Variants in SPINK9 observed in about 807,000 individuals in gnomAD.
SPINK9 encodes serine peptidase inhibitor Kazal type 9, also known as serine protease inhibitor Kazal-type 9.
SPINK9 carries 3 observed loss-of-function variants against 10.8 expected under a neutral mutation model. That is an observed-to-expected ratio of 0.28 (90% CI 0.13 to 0.72). The LOEUF is 0.72. Ranked by LOEUF, SPINK9 falls within the 30% of genes least tolerant of loss-of-function variation. The probability of loss-of-function intolerance (pLI) is 0.74; values close to 1 mark genes in which losing one functional copy is unlikely to be tolerated. For missense variants in SPINK9, 101 were observed against 103.2 expected (o/e 0.98, Z 0.09); for synonymous variants, 30 against 31.2 (o/e 0.96, Z 0.12).
chr5:148,336,770 C>T (rs1458049135), intron 2 of SPINK9, among the ~76,000 whole-genome samples: 1 of 152,174 alleles, frequency 6.6e-6, no homozygotes, highest in Non-Finnish European at 1.5e-5. Context: ...AGCACAGTGC[C>T]TGGCATAGAG....
At chr5:148,333,051 TC>T (rs1434541953), upstream of SPINK9, among the ~76,000 whole-genome samples, 3 of 152,098 alleles carry the variant, frequency 2.0e-5, no homozygotes, top group Non-Finnish European at 4.4e-5. Context: ...TTTATCACAG[TC>T]CGGATTTTGA....
exon 2 of SPINK9, chr5:148,323,787 T>G (rs1328958958): frequency 2.9e-6 from 2 of 701,158 alleles, no homozygotes; most frequent in Non-Finnish European, 5.2e-6. Context: ...TTGTTTTCAT[T>G]ATAAAACTCC....
chr5:148,328,737 CT>C (rs1452335501), intron 2 of SPINK9, among the ~76,000 whole-genome samples: 2 of 152,084 alleles, frequency 1.3e-5, no homozygotes, highest in Non-Finnish European at 2.9e-5. Flanking sequence ...TGTCAAAGGC[CT>C]TTTCTGCATC....
chr5:148,338,401 G>C, intron 2 of SPINK9, 77 bp from the exon 3 acceptor site: 1 of 1,419,092 alleles, frequency 7.0e-7, no homozygotes, highest in Non-Finnish European at 9.6e-7. Flanking sequence ...AGCCCTCTGA[G>C]CTTGCTTGAA....
chr5:148,339,734 T>G lies in SPINK9; in HGVS notation c.*22T>G. On this transcript the variant is annotated 3_prime_UTR_variant, in exon 4 of 4. Transcript: ENST00000377906. ...TTAAATCTATCTTGTGAGTCCAAAA[T>G]ATCTTTTAATGCATCTATTCACAAG... 1 of 1,582,994 alleles carries G rather than the reference T, an allele frequency of 6.3e-7. No individual in the cohort carries two copies. The highest frequency in any genetic ancestry group is 8.7e-7 in the Non-Finnish European group (1 of 1,152,544).
chr5:148,335,548 G>C, upstream of SPINK9: 1 of 1,450,858 alleles, frequency 6.9e-7, no homozygotes, highest in Non-Finnish European at 9.6e-7. Flanking sequence ...CAGGATCAAA[G>C]TGAGCTGGAC....
chr5:148,331,542 C>T (rs539413525), upstream of SPINK9, among the ~76,000 whole-genome samples: 148 of 152,212 alleles, frequency 9.7e-4, 1 homozygote, highest in Non-Finnish European at 7.1e-4. Context: ...AAAGAAGAAT[C>T]TGTTTTGGTG....
intron 1 of SPINK9, among the ~76,000 whole-genome samples, chr5:148,323,216 G>T (rs903769697): frequency 1.3e-5 from 2 of 152,054 alleles, no homozygotes; most frequent in Non-Finnish European, 2.9e-5. Flanking sequence ...TAAAGATGAT[G>T]ACATAGAAAT....
intron 2 of SPINK9, among the ~76,000 whole-genome samples, chr5:148,337,642 A>G (rs867885063): frequency 6.6e-6 from 1 of 152,066 alleles, no homozygotes; most frequent in African/African-American, 2.4e-5. Flanking sequence ...TTCATTCAAT[A>G]TTTTCCATGC....
upstream of SPINK9, among the ~76,000 whole-genome samples, chr5:148,332,161 T>C (rs1253613153): frequency 6.6e-6 from 1 of 152,226 alleles, no homozygotes; most frequent in Non-Finnish European, 1.5e-5. Context: ...TTCCTGACTG[T>C]TGTGTAAAGT....
At chr5:148,332,281 A>T (rs1213456675), upstream of SPINK9, among the ~76,000 whole-genome samples, 1 of 152,214 alleles carries the variant, frequency 6.6e-6, no homozygotes, top group Non-Finnish European at 1.5e-5. Context: ...AGAGAATCTG[A>T]GGGGATTTGC....
chr5:148,331,057 C>T (rs371731113), upstream of SPINK9, among the ~76,000 whole-genome samples: 1 of 152,222 alleles, frequency 6.6e-6, no homozygotes, highest in Non-Finnish European at 1.5e-5. Flanking sequence ...ATGCCTCGCC[C>T]TGCTTCGGCT....
intron 2 of SPINK9, among the ~76,000 whole-genome samples, chr5:148,324,696 G>A (rs1757036953): frequency 6.6e-6 from 1 of 151,416 alleles, no homozygotes; most frequent in African/African-American, 2.4e-5. Flanking sequence ...GATAATGCAT[G>A]ATCCTGAATG....
chr5:148,330,905 T>A (rs1757139851), upstream of SPINK9, among the ~76,000 whole-genome samples: 2 of 152,212 alleles, frequency 1.3e-5, no homozygotes, highest in South Asian at 4.1e-4. Context: ...GGATATAATC[T>A]CCTGTTGTGC....
At chr5:148,329,858 T>C (rs1159761228) in intron 2 of SPINK9, among the ~76,000 whole-genome samples, 1 of 152,228 alleles carries the variant, frequency 6.6e-6, no homozygotes, top group Non-Finnish European at 1.5e-5. Context: ...GATTGCACTG[T>C]GGTCTGAGAG....
chr5:148,323,766 C>G (rs1757024945), exon 2 of SPINK9: 6 of 699,800 alleles, frequency 8.6e-6, no homozygotes, highest in Non-Finnish European at 1.6e-5. Context: ...CTTTATGAAT[C>G]CTTCTCATCA....
intron 3 of SPINK9, 80 bp downstream of exon 3, chr5:148,338,685 C>T: frequency 9.1e-7 from 1 of 1,094,556 alleles, no homozygotes; most frequent in Non-Finnish European, 1.3e-6. Context: ...GATGTAGGGC[C>T]TAAGGAATAT....
intron 3 of SPINK9, 80 bp downstream of exon 3, chr5:148,338,685 C>G (rs1260844643): frequency 1.8e-6 from 2 of 1,094,438 alleles, no homozygotes; most frequent in Non-Finnish European, 2.6e-6. Flanking sequence ...GATGTAGGGC[C>G]TAAGGAATAT....
intron 1 of SPINK9, among the ~76,000 whole-genome samples, chr5:148,322,630 G>C (rs1289469660): frequency 6.6e-6 from 1 of 152,136 alleles, no homozygotes; most frequent in Non-Finnish European, 1.5e-5. Context: ...CTTCTACTAT[G>C]ATATGACCTA....
Sources: allele counts gnomAD v4.1 joint callset (sites outside exome capture counted in the v4.1 genomes callset), GRCh38; gene constraint gnomAD v4.1.1; transcripts MANE v1.5; gene names NCBI Gene and HGNC (gene_info 2026-07-23, HGNC 2026-07-21).